Variants in FLACC1 observed in about 807,000 individuals in gnomAD.
FLACC1 encodes flagellum-associated coiled-coil domain-containing protein 1.
A neutral mutation model predicts 62.8 loss-of-function variants in FLACC1; 66 were observed. The ratio of observed to expected loss-of-function variants is 1.05; its 90% confidence interval spans 0.86 to 1.29. The LOEUF (loss-of-function observed/expected upper bound fraction) is 1.29. FLACC1 is among the 50% of genes most tolerant of loss of function. The pLI, the probability that FLACC1 is intolerant of heterozygous loss-of-function variation, is 0.00. For missense variants in FLACC1, 452 were observed against 489.1 expected, an observed-to-expected ratio of 0.92 and a Z score of 0.71; for synonymous variants, 156 against 161.0, an observed-to-expected ratio of 0.97 and a Z score of 0.24.
intron 7 of FLACC1, among the ~76,000 whole-genome samples, chr2:201,331,474 A>C (rs1950593421): frequency 6.6e-6 from 1 of 152,184 alleles, no homozygotes; most frequent in South Asian, 2.1e-4. Flanking sequence ...AGTTCTCTCC[A>C]GCCTCCATTC....
At chr2:201,289,290 T>C in intron 14 of FLACC1, 167 bp downstream of exon 14, 2 of 613,600 alleles carry the variant, frequency 3.3e-6, no homozygotes, top group African/African-American at 1.8e-5. Context: ...AAGTGAACTA[T>C]CTGGCTTTGT....
At position 201,342,304 on chromosome 2, in the gene FLACC1, T is replaced by C. The variant is rs1950824529; in HGVS notation, c.524+66A>G. 2.6e-6 allele frequency: 4 copies of C among 1,539,838 alleles called. No individual in the cohort carries two copies. In the South Asian group the frequency reaches 4.5e-5, roughly 17 times the overall value. The stretch of plus-strand genomic sequence containing the variant: ...TATTTGAAGTCCCAGTGAACTAAAA[T>C]CCTGCAAAGGATGCGGGACCCTTAG... On this transcript the variant is annotated intron_variant, in intron 7 of 14. Coordinates refer to ENST00000392257, the MANE Select transcript of FLACC1 (RefSeq NM_001127391.3).
At chr2:201,312,187 A>G (rs1950228870) in intron 9 of FLACC1, among the ~76,000 whole-genome samples, 1 of 152,232 alleles carries the variant, frequency 6.6e-6, no homozygotes, top group East Asian at 1.9e-4. Flanking sequence ...ACTTTAAAGA[A>G]TCTGCCAAAA....
intron 9 of FLACC1, among the ~76,000 whole-genome samples, chr2:201,309,920 A>T (rs1950183811): frequency 6.8e-6 from 1 of 146,060 alleles, no homozygotes; most frequent in African/African-American, 2.5e-5. Context: ...AAAAAAAAAA[A>T]AAAAAAAGAA....
chr2:201,360,370 G>A (rs1230854832), upstream of FLACC1, among the ~76,000 whole-genome samples: 1 of 152,150 alleles, frequency 6.6e-6, no homozygotes, highest in East Asian at 1.9e-4. Flanking sequence ...GTCTGCACAG[G>A]GCTTGGGGAA....
Position 201,346,697 on chromosome 2 carries a change from G to A in FLACC1, c.235-22C>T. On this transcript the variant is annotated intron_variant, in intron 4 of 14. Transcript: ENST00000392257. This position sits in a 1 kb window ranked among gnomAD's most constrained non-coding sequence, Gnocchi z 4.0. ...CTTCCTAGGCATCAAGGGAAAGTAA[G>A]ATAAAATGGCAGACTTGGAGTGCTG... 1 of 1,613,696 alleles carries A rather than the reference G, an allele frequency of 6.2e-7. No homozygotes were observed.
intron 3 of FLACC1, among the ~76,000 whole-genome samples, chr2:201,348,680 T>C (rs558932074): frequency 1.9e-4 from 28 of 149,486 alleles, no homozygotes; most frequent in East Asian, 1.2e-3. Context: ...TTCAGGGAAC[T>C]GTGTGGAACT....
intron 12 of FLACC1, among the ~76,000 whole-genome samples, chr2:201,294,250 A>G (rs1949806087): frequency 6.6e-6 from 1 of 152,226 alleles, no homozygotes; most frequent in Non-Finnish European, 1.5e-5. Flanking sequence ...ATCCCTGATG[A>G]ACATCGATGC....
At position 201,299,232 on chromosome 2, in the gene FLACC1, G is replaced by A. The variant is rs1187028822; in HGVS notation, c.942+6C>T. On this transcript the variant is annotated splice_donor_region_variant and intron_variant, in intron 12 of 14. Transcript: ENST00000392257. The stretch of plus-strand genomic sequence containing the variant: ...CAAGTCCACAGGAAAGGATGAAAAA[G>A]CTTACCTCTTTGGTTTTTCTCAGCT... 1.9e-6 allele frequency: 3 copies of A among 1,613,082 alleles called. No homozygotes were observed. The highest frequency in any genetic ancestry group is 2.5e-6 in the Non-Finnish European group (3 of 1,179,478).
At chr2:201,328,780 A>T (rs1368459545) in intron 9 of FLACC1, among the ~76,000 whole-genome samples, 2 of 152,238 alleles carry the variant, frequency 1.3e-5, no homozygotes, top group African/African-American at 4.8e-5. Context: ...TTCTGAATAA[A>T]GATTTGATAA....
At chr2:201,336,752 T>C (rs993273890) in intron 7 of FLACC1, among the ~76,000 whole-genome samples, 5 of 152,250 alleles carry the variant, frequency 3.3e-5, no homozygotes, top group Non-Finnish European at 7.3e-5. Flanking sequence ...TGTACTAATT[T>C]ACATTTCCAC....
chr2:201,346,367 G>A lies in FLACC1; in HGVS notation c.368+175C>T, dbSNP rs1351495301. ...ATGGGATCAGAGCAGAGAGGCAGATGTGGAGAGATGCATCATCAGGAAGCA... is the reference window on the plus strand; with the variant it reads ...ATGGGATCAGAGCAGAGAGGCAGATATGGAGAGATGCATCATCAGGAAGCA... On this transcript the variant is annotated intron_variant, in intron 5 of 14. Transcript: ENST00000392257. This position sits in a 1 kb window ranked among gnomAD's most constrained non-coding sequence, Gnocchi z 4.0. 2.0e-5 allele frequency among the ~76,000 whole-genome samples: 3 copies of A among 152,214 alleles called. No homozygotes were observed. The East Asian group carries it at 5.8e-4, about 29-fold the overall frequency.
the FLACC1 span, among the ~76,000 whole-genome samples, chr2:201,363,467 G>A: frequency 1.3e-5 from 2 of 151,904 alleles, no homozygotes; most frequent in African/African-American, 4.8e-5. Context: ...TTGCTCATCT[G>A]GTTCAGCAGC....
chr2:201,315,689 C>T (rs1216114301), intron 9 of FLACC1, among the ~76,000 whole-genome samples: 1 of 152,086 alleles, frequency 6.6e-6, no homozygotes, highest in Non-Finnish European at 1.5e-5. Flanking sequence ...TTAAAATATA[C>T]CCTGGAACAA....
At chr2:201,299,326 GT>G in intron 11 of FLACC1, 26 bp from the exon 12 acceptor site, 1 of 1,600,940 alleles carries the variant, frequency 6.2e-7, no homozygotes, top group Non-Finnish European at 8.6e-7. Context: ...TTGGGAAAAG[GT>G]TAGCACTGTG....
chr2:201,346,823 C>A lies in FLACC1; in HGVS notation c.235-148G>T. ...CTTCTGGGCCCTTCACCCATTATAG[C>A]TCATTCTCACATCTCTCCGACTCAA... On this transcript the variant is annotated intron_variant, in intron 4 of 14. Transcript: ENST00000392257. The surrounding 1 kb of genome is among the most constrained non-coding windows in gnomAD (Gnocchi z 4.0). The A allele has an allele frequency of 3.2e-6, 3 of 934,812 alleles. No homozygotes were observed. Among genetic ancestry groups the A allele is most frequent in the Non-Finnish European group, 4.8e-6 (3 of 630,142 alleles). The allele number at this position is 934,812 out of a possible 1,614,324, so 57.9% of individuals were successfully genotyped here.
chr2:201,300,502 G>T (rs968224250), intron 11 of FLACC1, among the ~76,000 whole-genome samples: 3 of 152,144 alleles, frequency 2.0e-5, no homozygotes, highest in African/African-American at 7.2e-5. Flanking sequence ...TGGGGGCAGG[G>T]CATAGCTCAA....
rs758202333 is a variant in FLACC1 at position 201,309,157 on chromosome 2, GTAGC to G, written c.765_768del (p.Leu256SerfsTer6). 6.9e-5 allele frequency: 111 copies of G among 1,612,834 alleles called. No homozygotes were observed. Among genetic ancestry groups the G allele is most frequent in the South Asian group, 1.4e-4 (13 of 91,068 alleles). On this transcript the variant is annotated frameshift_variant, in exon 10 of 15. Coordinates refer to ENST00000392257, the MANE Select transcript of FLACC1 (RefSeq NM_001127391.3). LOFTEE classifies it high-confidence loss of function. ...CTAGAGTTTCTGTACTCACTTTGCT[GTAGC>G]AGGATATTTTCTCGCTCGAACTTCT...
intron 11 of FLACC1, 74 bp from the exon 12 acceptor site, chr2:201,299,374 A>G (rs1024259910): frequency 8.2e-7 from 1 of 1,216,006 alleles, no homozygotes; most frequent in Non-Finnish European, 1.2e-6. Context: ...AGAAAGCCAG[A>G]CTAGGATTCA....
Sources: gnomAD v4.1 joint callset for allele counts (sites outside exome capture counted in the v4.1 genomes callset) on GRCh38, gnomAD v4.1.1 for gene constraint, Gnocchi (gnomAD v3.1) non-coding constraint, MANE v1.5 for transcripts, NCBI Gene and HGNC (gene_info 2026-07-23, HGNC 2026-07-21) for gene names.